UBE2K: variants seen among roughly 807,000 people sequenced by gnomAD.
UBE2K encodes the protein ubiquitin-conjugating enzyme E2 K.
Under a neutral mutation model 30.0 loss-of-function variants are expected in UBE2K, and 6 were observed. The observed-to-expected ratio is 0.20, with a 90% CI of 0.11 to 0.39. The LOEUF (loss-of-function observed/expected upper bound fraction) is 0.39. UBE2K is among the 10% of genes least tolerant of loss of function. The probability of loss-of-function intolerance (pLI) is 1.00; values close to 1 mark genes in which losing one functional copy is unlikely to be tolerated. For synonymous variants in UBE2K, 86 were observed against 83.7 expected (o/e 1.03, Z -0.15); for missense variants, 61 against 241.6 (o/e 0.25, Z 4.96).
intron 1 of UBE2K, among the ~76,000 whole-genome samples, chr4:39,730,139 A>C (rs1359848394): frequency 3.9e-5 from 6 of 152,174 alleles, no homozygotes; most frequent in Admixed American, 2.6e-4. Context: ...TCAGACTTGA[A>C]TTACTCTTCA....
Position 39,782,733 on chromosome 4 carries a change from A to AT in UBE2K, c.*4304dup, listed in dbSNP as rs1280348112. 1 of 152,192 alleles carries AT rather than the reference A, an allele frequency of 6.6e-6. No homozygotes were observed. Among genetic ancestry groups the AT allele is most frequent in the Non-Finnish European group, 1.5e-5 (1 of 68,040 alleles). 9.4% of individuals were successfully genotyped at this position (152,192 alleles called of 1,614,324 possible). A position where few individuals can be genotyped will look rare whatever the true frequency, so the allele number is the denominator to read the frequency against. Reference sequence around the variant, plus strand: ...ATAAACACATTTTTAAAGATGTTGAATTTTTCCCCCCTTATTGGGAATTCT... The same window carrying AT: ...ATAAACACATTTTTAAAGATGTTGAATTTTTTCCCCCCTTATTGGGAATTCT... On this transcript the variant is annotated 3_prime_UTR_variant, in exon 7 of 7. Coordinates refer to ENST00000261427, the MANE Select transcript of UBE2K (RefSeq NM_005339.5).
intron 1 of UBE2K, among the ~76,000 whole-genome samples, chr4:39,716,048 C>T (rs977129870): frequency 2.6e-5 from 4 of 152,106 alleles, no homozygotes; most frequent in African/African-American, 9.7e-5. Context: ...TTTCCATTTC[C>T]ATCTTAGAAC....
At chr4:39,719,309 A>G (rs1273699765) in intron 1 of UBE2K, among the ~76,000 whole-genome samples, 1 of 152,018 alleles carries the variant, frequency 6.6e-6, no homozygotes, top group Non-Finnish European at 1.5e-5. Context: ...TCTGTTTTTC[A>G]TTGTCAGACT....
In UBE2K at chr4:39,770,667, G is replaced by A. The variant is rs1406044479; in HGVS notation, c.300-4167G>A. 15 of 1,582,172 alleles carry A rather than the reference G, an allele frequency of 9.5e-6. No homozygotes were observed. In the Admixed American group the frequency reaches 1.2e-4, roughly 13 times the overall value. ...ATAGCAGGCCTTCACCACACCCTGCGGTGGGGCCACAGTGCTGGGGGGCAC... is the reference window on the plus strand; with the variant it reads ...ATAGCAGGCCTTCACCACACCCTGCAGTGGGGCCACAGTGCTGGGGGGCAC... On this transcript the variant is annotated intron_variant, in intron 4 of 6. Coordinates refer to ENST00000261427, the MANE Select transcript of UBE2K (RefSeq NM_005339.5).
At chr4:39,762,070 T>C (rs910583114) in intron 4 of UBE2K, among the ~76,000 whole-genome samples, 2 of 151,798 alleles carry the variant, frequency 1.3e-5, no homozygotes, top group Admixed American at 1.3e-4. Flanking sequence ...TCCTAGCTAC[T>C]CTGGAGGCTG....
At chr4:39,727,940 G>T (rs1406610109) in intron 1 of UBE2K, among the ~76,000 whole-genome samples, 1 of 151,956 alleles carries the variant, frequency 6.6e-6, no homozygotes, top group Non-Finnish European at 1.5e-5. Flanking sequence ...GACCAGCCTG[G>T]CCAATGTGGT....
At chr4:39,763,383 C>G (rs1462885145) in intron 4 of UBE2K, among the ~76,000 whole-genome samples, 2 of 152,130 alleles carry the variant, frequency 1.3e-5, no homozygotes, top group Non-Finnish European at 2.9e-5. Context: ...TCCCAAGTAG[C>G]TGGGATTACA....
chr4:39,761,095 A>T (rs371744722), intron 4 of UBE2K: 1 of 152,392 alleles, frequency 6.6e-6, no homozygotes, highest in South Asian at 2.1e-4. Flanking sequence ...GAAGTGTGCT[A>T]TGCCAGTCAG....
chr4:39,710,347 T>C (rs553694297), intron 1 of UBE2K, among the ~76,000 whole-genome samples: 36 of 152,096 alleles, frequency 2.4e-4, no homozygotes, highest in South Asian at 1.5e-3. Flanking sequence ...CAAGACCTTA[T>C]AGCTCACTGT....
intron 3 of UBE2K, among the ~76,000 whole-genome samples, chr4:39,748,103 G>A (rs1460428297): frequency 6.6e-6 from 1 of 152,212 alleles, no homozygotes; most frequent in South Asian, 2.1e-4. Context: ...CAGTAAAGGT[G>A]TAGCCTTTAT....
chr4:39,762,184 A>AAATAATAATAATAATAAT lies in UBE2K; in HGVS notation c.299+6454_299+6471dup, dbSNP rs138206643. Among the ~76,000 whole-genome samples the AAATAATAATAATAATAAT allele has an allele frequency of 3.8e-3, 543 of 143,860 alleles. 4 individuals are homozygous for AAATAATAATAATAATAAT. Among genetic ancestry groups the AAATAATAATAATAATAAT allele is most frequent in the African/African-American group, 0.013 (511 of 39,196 alleles). 94.4% of individuals were successfully genotyped at this position (143,860 alleles called of 152,430 possible). ...ACAGAGCGAGACTCCCATCTCAGTAAAATAATAATAATAATAATAATAATA... is the reference window on the plus strand; with the variant it reads ...ACAGAGCGAGACTCCCATCTCAGTAAAATAATAATAATAATAATAATAATAATAATAATAATAATAATA... On this transcript the variant is annotated intron_variant, in intron 4 of 6. Coordinates refer to ENST00000261427, the MANE Select transcript of UBE2K (RefSeq NM_005339.5).
chr4:39,770,134 C>G, intron 4 of UBE2K: 1 of 1,596,438 alleles, frequency 6.3e-7, no homozygotes. Context: ...ACGTTCTCGG[C>G]GGTGGTCTTG....
intron 1 of UBE2K, 96 bp from the exon 2 acceptor site, chr4:39,737,324 C>A: frequency 3.3e-6 from 2 of 603,018 alleles, no homozygotes; most frequent in South Asian, 3.0e-5. Flanking sequence ...GATAATCAAG[C>A]TTATGAAAGA....
intron 1 of UBE2K, among the ~76,000 whole-genome samples, chr4:39,699,649 A>T (rs999425654): frequency 7.2e-5 from 11 of 152,244 alleles, no homozygotes; most frequent in Admixed American, 2.0e-4. Context: ...TATTGAATAT[A>T]TCATTGCTAT....
At chr4:39,736,699 T>C (rs973913553) in intron 1 of UBE2K, among the ~76,000 whole-genome samples, 9 of 152,234 alleles carry the variant, frequency 5.9e-5, no homozygotes, top group Admixed American at 6.5e-5. Flanking sequence ...GATAGGAAAG[T>C]ACTTGGAGTA....
intron 2 of UBE2K, among the ~76,000 whole-genome samples, chr4:39,744,637 TG>T (rs1487323179): frequency 1.3e-5 from 2 of 151,612 alleles, no homozygotes; most frequent in East Asian, 3.9e-4. Context: ...CTGGGCACAG[TG>T]GCTCACGCCT....
At chr4:39,698,596 G>A (rs1300646695) in intron 1 of UBE2K, among the ~76,000 whole-genome samples, 1 of 152,116 alleles carries the variant, frequency 6.6e-6, no homozygotes, top group Admixed American at 6.5e-5. Flanking sequence ...TCGCGGGCGG[G>A]TGGTCTGGGG....
At chr4:39,699,811 G>A (rs1197440062) in intron 1 of UBE2K, among the ~76,000 whole-genome samples, 1 of 152,106 alleles carries the variant, frequency 6.6e-6, no homozygotes, top group African/African-American at 2.4e-5. Flanking sequence ...TATAAGTCAT[G>A]GTCGGTTTTA....
At chr4:39,720,598 G>C (rs540853675) in intron 1 of UBE2K, among the ~76,000 whole-genome samples, 131 of 152,246 alleles carry the variant, frequency 8.6e-4, no homozygotes, top group Admixed American at 1.1e-3. Flanking sequence ...TCTAGCCTCA[G>C]GGAAAGAGTT....
Sources: gnomAD v4.1 joint callset for allele counts (sites outside exome capture counted in the v4.1 genomes callset) on GRCh38, gnomAD v4.1.1 for gene constraint, MANE v1.5 for transcripts, NCBI Gene and HGNC (gene_info 2026-07-23, HGNC 2026-07-21) for gene names.